The following PSMF1 variants were observed in gnomAD, a reference collection of about 807,000 sequenced individuals.
The protein encoded by PSMF1 is proteasome inhibitor subunit 1, also known as proteasome inhibitor PI31 subunit.
PSMF1 carries 30 observed loss-of-function variants against 29.3 expected under a neutral mutation model. The ratio of observed to expected loss-of-function variants is 1.02; its 90% CI spans 0.77 to 1.39. The LOEUF is 1.39. Among genes scored for constraint, PSMF1 ranks in the 40% most tolerant of loss-of-function variants. The pLI is 0.00. For synonymous variants in PSMF1, 134 were observed against 139.7 expected (o/e 0.96, Z 0.29); for missense variants, 344 against 357.5 (o/e 0.96, Z 0.31).
At chr20:1,158,921 T>C (rs2086629459) in intron 4 of PSMF1, among the ~76,000 whole-genome samples, 1 of 152,142 alleles carries the variant, frequency 6.6e-6, no homozygotes, top group Non-Finnish European at 1.5e-5. Context: ...CCAGGCGTGG[T>C]GGCGCATGCC....
At position 1,167,525 on chromosome 20, in the gene PSMF1, C is replaced by T. The variant is rs555105686; in HGVS notation, c.*2445C>T. On this transcript the variant is annotated 3_prime_UTR_variant, in exon 7 of 7. Transcript: ENST00000335877. ...TGGCATGACTCCCCATTCCCTTGCTCCCAGCCCCAGGCAACCACTAACATC... is the reference window on the plus strand; with the variant it reads ...TGGCATGACTCCCCATTCCCTTGCTTCCAGCCCCAGGCAACCACTAACATC... The T allele has an allele frequency of 6.6e-6, 1 of 152,206 alleles. No homozygotes were observed. Among genetic ancestry groups the T allele is most frequent in the South Asian group, 2.1e-4 (1 of 4,824 alleles). 9.4% of individuals were successfully genotyped at this position (152,206 alleles called of 1,614,324 possible). A position where few individuals can be genotyped will look rare whatever the true frequency, so the allele number is the denominator to read the frequency against.
intron 1 of PSMF1, chr20:1,113,495 A>AC (rs1794847244): frequency 2.3e-5 from 1 of 42,840 alleles, no homozygotes; most frequent in Non-Finnish European, 4.9e-5. Flanking sequence ...CACACACACC[A>AC]GCCCCAGGAG....
At chr20:1,162,398 C>T (rs1201832265) in intron 4 of PSMF1, among the ~76,000 whole-genome samples, 1 of 151,400 alleles carries the variant, frequency 6.6e-6, no homozygotes, top group Non-Finnish European at 1.5e-5. Context: ...AAAAGTGCTG[C>T]CATTTAAAAA....
At chr20:1,159,721 T>A (rs979567550) in intron 4 of PSMF1, among the ~76,000 whole-genome samples, 3 of 152,154 alleles carry the variant, frequency 2.0e-5, no homozygotes, top group Non-Finnish European at 1.5e-5. Flanking sequence ...TGCTAGAAAC[T>A]TTGACTGCTA....
Position 1,125,530 on chromosome 20 carries a change from G to C in PSMF1, c.162G>C (p.Leu54=). 3.1e-6 allele frequency: 5 copies of C among 1,612,948 alleles called. No individual in the cohort carries two copies. The highest frequency in any genetic ancestry group is 4.2e-6 in the Non-Finnish European group (5 of 1,179,428). The part of the protein sequence containing the change: ...PGPNDKKSEL[L]PAGWNNNKDL... The stretch of plus-strand genomic sequence containing the variant: ...CCAATGATAAGAAGTCAGAACTGCT[G>C]CCAGCTGGGTGGAACAACAATAAAG... The change falls in exon 2 of 7, where the codon CTG becomes CTC. Residue 54 remains leucine (L), a synonymous_variant. Coordinates refer to ENST00000335877, the MANE Select transcript of PSMF1 (RefSeq NM_006814.5).
Position 1,145,580 on chromosome 20 carries a change from G to C in PSMF1, c.551+10274G>C, listed in dbSNP as rs533734785. 6.6e-4 allele frequency among the ~76,000 whole-genome samples: 100 copies of C among 152,274 alleles called. 3 individuals are homozygous for C. In the South Asian group the frequency reaches 0.02, roughly 30 times the overall value. On this transcript the variant is annotated intron_variant, in intron 4 of 6. Transcript: ENST00000335877. ...AGGCAGTGGAGCTAGAGCCAGGCAG[G>C]GGTCGTTAAGTGGGTTGCTGAGACC... is the stretch of plus-strand genomic sequence containing the variant.
At chr20:1,126,416 T>A (rs965201397) in intron 2 of PSMF1, among the ~76,000 whole-genome samples, 13 of 152,214 alleles carry the variant, frequency 8.5e-5, no homozygotes, top group Non-Finnish European at 1.8e-4. Flanking sequence ...GAAATACATA[T>A]AGATATACCT....
In PSMF1 at chr20:1,164,263, T is replaced by C; in HGVS notation, c.606-55T>C. 1.3e-6 allele frequency: 2 copies of C among 1,533,930 alleles called. No individual in the cohort carries two copies. The highest frequency in any genetic ancestry group is 1.8e-6 in the Non-Finnish European group (2 of 1,107,406). On this transcript the variant is annotated intron_variant, in intron 5 of 6. Coordinates refer to ENST00000335877, the MANE Select transcript of PSMF1 (RefSeq NM_006814.5). This position sits in a 1 kb window ranked among gnomAD's most constrained non-coding sequence, Gnocchi z 4.1. ...GTGCATTGTAACCTCCCTCGCCTTT[T>C]CTCCAAGGGCAGTCCTTGCCACACC...
At chr20:1,114,345 G>A (rs543161070), upstream of PSMF1, among the ~76,000 whole-genome samples, 17 of 152,204 alleles carry the variant, frequency 1.1e-4, no homozygotes, top group Admixed American at 2.0e-4. Flanking sequence ...TGCCCCCACC[G>A]CTATTTCCTG....
intron 3 of PSMF1, chr20:1,134,770 C>G (rs1000440269): frequency 1.4e-5 from 5 of 361,090 alleles, no homozygotes; most frequent in African/African-American, 8.4e-5. Flanking sequence ...CTTCCCATGA[C>G]ACGTGATGAA....
chr20:1,133,523 T>TA (rs2086257204), intron 3 of PSMF1, among the ~76,000 whole-genome samples: 1 of 138,648 alleles, frequency 7.2e-6, no homozygotes, highest in Non-Finnish European at 1.5e-5. Flanking sequence ...TTTTTGTGTG[T>TA]AAGTTCATAG....
chr20:1,145,192 GAATCTTT>G (rs2086434388), intron 4 of PSMF1, among the ~76,000 whole-genome samples: 2 of 152,012 alleles, frequency 1.3e-5, no homozygotes, highest in African/African-American at 4.8e-5. Flanking sequence ...GGGCCCCTGT[GAATCTTT>G]AATTATTTAA....
At chr20:1,121,848 A>G (rs1156401218) in intron 1 of PSMF1, among the ~76,000 whole-genome samples, 2 of 152,228 alleles carry the variant, frequency 1.3e-5, no homozygotes, top group Non-Finnish European at 2.9e-5. Flanking sequence ...TGAAGTCAGA[A>G]CCACTCCTCA....
At chr20:1,139,530 G>A (rs938726923) in intron 4 of PSMF1, among the ~76,000 whole-genome samples, 1 of 152,098 alleles carries the variant, frequency 6.6e-6, no homozygotes, top group Non-Finnish European at 1.5e-5. Flanking sequence ...CAGCAATGTG[G>A]CAGGATATAA....
chr20:1,165,508 T>C lies in PSMF1; in HGVS notation c.*428T>C. On this transcript the variant is annotated 3_prime_UTR_variant, in exon 7 of 7. Transcript: ENST00000335877. ...TTTTCTTTTTACATTAATGCATAGC[T>C]GCTTCCATTTATGAGACTTTAGAGT... 9.9e-7 allele frequency: 1 copy of C among 1,010,310 alleles called. No individual in the cohort carries two copies. The highest frequency in any genetic ancestry group is 1.2e-6 in the Non-Finnish European group (1 of 845,456). 62.6% of individuals were successfully genotyped at this position (1,010,310 alleles called of 1,614,324 possible).
In PSMF1 at chr20:1,164,422, T is replaced by C; in HGVS notation, c.710T>C (p.Val237Ala). ...GLPNRLPPGA[V>A]PPGARFDPFG... ...CCGAACCGACTTCCTCCAGGCGCTG[T>C]GCCCCCAGGAGCTCGCTTTGACCCC... The change falls in exon 6 of 7, where the codon GTG becomes GCG. Residue 237 changes from valine (V) to alanine (A), a missense_variant. Val to Ala is a moderately conservative substitution (Grantham distance 64, BLOSUM62 0). Transcript: ENST00000335877. This position sits in a 1 kb window ranked among gnomAD's most constrained non-coding sequence, Gnocchi z 4.1. The C allele has an allele frequency of 6.2e-7, 1 of 1,614,184 alleles. No homozygotes were observed. The highest frequency in any genetic ancestry group is 8.5e-7 in the Non-Finnish European group (1 of 1,180,024).
At chr20:1,118,470 C>T, upstream of PSMF1, 1 of 273,474 alleles carries the variant, frequency 3.7e-6, no homozygotes, top group Non-Finnish European at 6.9e-6. Context: ...TGTCGACTGC[C>T]GCCAAGACCC....
chr20:1,155,462 G>A (rs1380988201), intron 4 of PSMF1, among the ~76,000 whole-genome samples: 1 of 152,110 alleles, frequency 6.6e-6, no homozygotes, highest in Non-Finnish European at 1.5e-5. Flanking sequence ...TTGGACACAG[G>A]CACCGTTGTA....
In PSMF1 at chr20:1,170,955, A is replaced by G. The variant is rs2086784062; in HGVS notation, c.*5875A>G. Among the ~76,000 whole-genome samples the G allele has an allele frequency of 6.6e-6, 1 of 151,952 alleles. No homozygotes were observed. The highest frequency in any genetic ancestry group is 2.1e-4 in the South Asian group (1 of 4,814). On this transcript the variant is annotated 3_prime_UTR_variant, in exon 7 of 7. Coordinates refer to ENST00000335877, the MANE Select transcript of PSMF1 (RefSeq NM_006814.5). Reference sequence around the variant, plus strand: ...CTAGTGGCATTAGTTGAGATGCTGCACCTACCCCCTGGGGTGGCAGAACCG... The same window carrying G: ...CTAGTGGCATTAGTTGAGATGCTGCGCCTACCCCCTGGGGTGGCAGAACCG...
Sources: gnomAD v4.1 joint callset for allele counts (sites outside exome capture counted in the v4.1 genomes callset) on GRCh38, gnomAD v4.1.1 for gene constraint, Gnocchi (gnomAD v3.1) non-coding constraint, MANE v1.5 for transcripts, NCBI Gene and HGNC (gene_info 2026-07-23, HGNC 2026-07-21) for gene names.